The following CFAP47 variants were observed in gnomAD, a reference collection of about 807,000 sequenced individuals.
CFAP47 encodes the protein cilia and flagella associated protein 47.
A neutral mutation model predicts 148.1 loss-of-function variants in CFAP47; 29 were observed. The ratio of observed to expected loss-of-function variants is 0.20; its 90% CI spans 0.15 to 0.27. The LOEUF (loss-of-function observed/expected upper bound fraction) is 0.27, where lower values mean the gene tolerates loss of function less well. CFAP47 is among the 10% of genes least tolerant of loss of function. The pLI is 1.00. For synonymous variants in CFAP47, 664 were observed against 577.3 expected (o/e 1.15, Z -2.15); for missense variants, 1,872 against 1,697.5 (o/e 1.10, Z -1.81).
At chrX:36,311,384 A>G (rs1469669562) in intron 56 of CFAP47, among the ~76,000 whole-genome samples, 1 of 111,212 alleles carries the variant, frequency 9.0e-6, no homozygotes, top group Non-Finnish European at 1.9e-5. Flanking sequence ...CATATTTGGA[A>G]TAAATTGTGG....
intron 39 of CFAP47, among the ~76,000 whole-genome samples, chrX:36,171,902 T>G (rs1253566300): frequency 6.4e-4 from 70 of 109,522 alleles, no homozygotes; most frequent in Non-Finnish European, 1.1e-3. Context: ...ATGGCCATTT[T>G]CACGATATTG....
chrX:36,284,908 A>C (rs1182770993), intron 50 of CFAP47, among the ~76,000 whole-genome samples: 1 of 111,647 alleles, frequency 9.0e-6, no homozygotes, highest in African/African-American at 3.2e-5. Context: ...GAAGCTGAAC[A>C]GAGAGGAAAA....
At chrX:36,187,058 G>C (rs1292075448) in intron 40 of CFAP47, among the ~76,000 whole-genome samples, 2 of 111,696 alleles carry the variant, frequency 1.8e-5, no homozygotes, top group Non-Finnish European at 3.8e-5. Flanking sequence ...AAAAATGTTA[G>C]ATTTATCACT....
intron 21 of CFAP47, among the ~76,000 whole-genome samples, chrX:36,011,348 A>G (rs746330712): frequency 8.9e-6 from 1 of 111,865 alleles, no homozygotes; most frequent in South Asian, 3.8e-4. Flanking sequence ...ACAAAGATGA[A>G]AGTTTAACAT....
chrX:36,051,902 G>C (rs913287080), intron 26 of CFAP47, among the ~76,000 whole-genome samples: 1 of 110,790 alleles, frequency 9.0e-6, no homozygotes, highest in African/African-American at 3.3e-5. Flanking sequence ...TTTTCTTGCT[G>C]TTCTCATGAT....
intron 42 of CFAP47, among the ~76,000 whole-genome samples, chrX:36,194,588 C>T (rs1275279297): frequency 8.9e-6 from 1 of 111,813 alleles, no homozygotes; most frequent in African/African-American, 3.3e-5. Flanking sequence ...TAGCCTTCTG[C>T]TTCTGGGGAG....
At chrX:35,987,211 C>G (rs1034277886) in intron 15 of CFAP47, among the ~76,000 whole-genome samples, 1 of 111,456 alleles carries the variant, frequency 9.0e-6, no homozygotes, top group African/African-American at 3.3e-5. Flanking sequence ...CCCACAGCTG[C>G]CTCTTTCCCC....
chrX:36,282,409 G>A (rs1309230239), intron 50 of CFAP47, among the ~76,000 whole-genome samples: 2 of 111,118 alleles, frequency 1.8e-5, no homozygotes, highest in Non-Finnish European at 3.8e-5. Flanking sequence ...TATGTTAATA[G>A]GCTAAAAAAG....
At chrX:35,958,807 A>C (rs1420396485) in intron 8 of CFAP47, among the ~76,000 whole-genome samples, 1 of 112,278 alleles carries the variant, frequency 8.9e-6, no homozygotes, top group Non-Finnish European at 1.9e-5. Flanking sequence ...TTTCACTTGA[A>C]ATTAAGACTG....
chrX:36,226,026 A>C (rs1940266101), intron 45 of CFAP47, among the ~76,000 whole-genome samples: 1 of 111,952 alleles, frequency 8.9e-6, no homozygotes, highest in Non-Finnish European at 1.9e-5. Flanking sequence ...GTTGGTGTCA[A>C]ATTCACCTCA....
chrX:36,235,571 C>T (rs887587193), intron 46 of CFAP47, among the ~76,000 whole-genome samples: 8 of 112,599 alleles, frequency 7.1e-5, no homozygotes, highest in African/African-American at 2.6e-4. Context: ...TTGTGCTTCC[C>T]GAGTGAGGCA....
chrX:36,103,063 A>C (rs943746633), intron 32 of CFAP47, among the ~76,000 whole-genome samples: 1 of 111,261 alleles, frequency 9.0e-6, no homozygotes, highest in Non-Finnish European at 1.9e-5. Context: ...GTATGGCATA[A>C]ATATGCATTA....
Position 36,065,564 on chromosome X carries a change from C to T in CFAP47, c.4218-79C>T, listed in dbSNP as rs1320361187. ...TAAATCATGTCTTCATCATTAAGGG[C>T]ATCTGGGATACTTAAATGCATGGCA... is the stretch of plus-strand genomic sequence containing the variant. On this transcript the variant is annotated intron_variant, in intron 26 of 63. Coordinates refer to ENST00000378653, the MANE Select transcript of CFAP47 (RefSeq NM_001304548.2). The T allele has an allele frequency of 1.7e-5, 9 of 529,248 alleles. No individual in the cohort carries two copies. The East Asian group carries it at 3.4e-4, about 20-fold the overall frequency. The allele number at this position is 529,248 out of a possible 1,213,427, so 43.6% of individuals were successfully genotyped here.
chrX:36,363,582 G>T (rs1279456839), intron 61 of CFAP47, among the ~76,000 whole-genome samples: 1 of 111,802 alleles, frequency 8.9e-6, no homozygotes, highest in African/African-American at 3.2e-5. Flanking sequence ...ATTGAGCTAT[G>T]AAAAACAACA....
intron 30 of CFAP47, among the ~76,000 whole-genome samples, chrX:36,096,725 T>C (rs1938285610): frequency 9.0e-6 from 1 of 110,559 alleles, no homozygotes. Flanking sequence ...ATGTTCAGTC[T>C]ATGTGCATCT....
chrX:36,336,107 C>T (rs1262565553), intron 57 of CFAP47, among the ~76,000 whole-genome samples: 1 of 109,988 alleles, frequency 9.1e-6, no homozygotes, highest in East Asian at 2.8e-4. Context: ...AAGACTTCCC[C>T]TCCCCTTATG....
At chrX:36,206,131 TA>T (rs1171246469) in intron 45 of CFAP47, among the ~76,000 whole-genome samples, 1 of 111,766 alleles carries the variant, frequency 8.9e-6, no homozygotes, top group Non-Finnish European at 1.9e-5. Context: ...ATGCCCTGTC[TA>T]AACATTCACA....
chrX:36,167,184 A>G (rs1002679420), intron 39 of CFAP47, among the ~76,000 whole-genome samples: 10 of 111,704 alleles, frequency 9.0e-5, no homozygotes, highest in Admixed American at 3.8e-4. Flanking sequence ...GTATTTCACC[A>G]TAACTGGCAC....
At chrX:36,004,666 A>AT (rs1936960373) in intron 21 of CFAP47, among the ~76,000 whole-genome samples, 1 of 109,571 alleles carries the variant, frequency 9.1e-6, no homozygotes, top group African/African-American at 3.3e-5. Context: ...AAGAGAGTAC[A>AT]TTTTTTATGA....
Sources: allele counts gnomAD v4.1 joint callset (sites outside exome capture counted in the v4.1 genomes callset), GRCh38; gene constraint gnomAD v4.1.1; transcripts MANE v1.5; gene names NCBI Gene and HGNC (gene_info 2026-07-23, HGNC 2026-07-21).